The following MKI67 variants were observed in gnomAD, a reference collection of about 807,000 sequenced individuals.
MKI67 encodes marker of proliferation Ki-67.
MKI67 carries 152 observed loss-of-function variants against 233.5 expected under a neutral mutation model. The ratio of observed to expected loss-of-function variants is 0.65; its 90% CI spans 0.57 to 0.74. The LOEUF (loss-of-function observed/expected upper bound fraction) is 0.74. Ranked by LOEUF, MKI67 falls within the 30% of genes least tolerant of loss-of-function variation. The probability of loss-of-function intolerance (pLI) is 0.00; values close to 1 mark genes in which losing one functional copy is unlikely to be tolerated. For synonymous variants in MKI67, 1,465 were observed against 1,418.5 expected, an observed-to-expected ratio of 1.03 and a Z score of -0.74; for missense variants, 3,940 against 3,885.2, an observed-to-expected ratio of 1.01 and a Z score of -0.37.
In MKI67 at chr10:128,106,098, C is replaced by G; in HGVS notation, c.5742G>C (p.Glu1914Asp). The G allele has an allele frequency of 6.2e-7, 1 of 1,613,998 alleles. No individual in the cohort carries two copies. The highest frequency in any genetic ancestry group is 1.1e-5 in the South Asian group (1 of 91,072). Residue 1914 changes from glutamate to aspartate, a missense_variant, in exon 13 of 15, where the codon GAG becomes GAC. Physicochemically the swap from Glu to Asp is conservative, Grantham distance 45 (BLOSUM62 2). Transcript: ENST00000368654. ...TCCCCACAAATGTGTTGATGTCTTT[C>G]TCTTCACCTACTGCTGCTTTAGGCG... is the stretch of plus-strand genomic sequence containing the variant. ...MHTPKAAVGE[E>D]KDINTFVGTP...
At position 128,122,928 on chromosome 10, in the gene MKI67, T is replaced by C; in HGVS notation, c.240A>G (p.Val80=). The C allele has an allele frequency of 1.9e-6, 3 of 1,605,742 alleles. No individual in the cohort carries two copies. Among genetic ancestry groups the C allele is most frequent in the South Asian group, 1.1e-5 (1 of 90,416 alleles). The change falls in exon 4 of 15, where the codon GTA becomes GTG. Residue 80 remains valine, a synonymous_variant. Coordinates refer to ENST00000368654, the MANE Select transcript of MKI67 (RefSeq NM_002417.5). ...TTATTACATCTCCATGTTTTAGCCGTACAGGCTCATCAATAACAGACCCAT... is the reference window on the plus strand; with the variant it reads ...TTATTACATCTCCATGTTTTAGCCGCACAGGCTCATCAATAACAGACCCAT... ...QVNGSVIDEP[V]RLKHGDVITI...
rs1440441243 is a variant in MKI67, at chr10:128,115,462, T to C, written c.946A>G (p.Asn316Asp). 2 of 1,613,738 alleles carry C rather than the reference T, an allele frequency of 1.2e-6. No homozygotes were observed. Among genetic ancestry groups the C allele is most frequent in the Non-Finnish European group, 1.7e-6 (2 of 1,179,938 alleles). ...PASPEQELDQ[N>D]KGKGRDVESV... ...TCCACGTCTCTTCCCTTCCCCTTGT[T>C]CTGGTCAAGCTCTTGTTCAGGTGAA... The change falls in exon 7 of 15, where the codon AAC becomes GAC. Residue 316 changes from asparagine (N) to aspartate (D), a missense_variant. Transcript: ENST00000368654.
At chr10:128,119,223 A>G (rs765615855) in intron 5 of MKI67, 30 bp downstream of exon 5, 1 of 1,505,608 alleles carries the variant, frequency 6.6e-7, no homozygotes, top group Non-Finnish European at 9.2e-7. Context: ...ATCGAAACGA[A>G]TCAGCCCAAA....
rs2136128555 is a variant in MKI67 at position 128,104,108 on chromosome 10, T to C, written c.7732A>G (p.Ile2578Val). The C allele has an allele frequency of 6.2e-7, 1 of 1,614,024 alleles. No individual in the cohort carries two copies. Among genetic ancestry groups the C allele is most frequent in the Non-Finnish European group, 8.5e-7 (1 of 1,180,016 alleles). ...CAGGGAATTTTTGTGTTTTTGTCAA[T>C]AGTCATTGACTCTTCAGTGTGACCT... ...APGHTEESMT[I>V]DKNTKIPCKS... Residue 2578 changes from isoleucine to valine, a missense_variant, in exon 13 of 15, where the codon ATT (isoleucine) becomes GTT (valine). Ile to Val is a conservative substitution (Grantham distance 29). Transcript: ENST00000368654.
At chr10:128,110,606 G>A in intron 11 of MKI67, 73 bp from the exon 12 acceptor site, 1 of 1,212,826 alleles carries the variant, frequency 8.2e-7, no homozygotes, top group Non-Finnish European at 1.1e-6. Flanking sequence ...GCCCTCACAT[G>A]TAACGTGCAA....
At chr10:128,123,619 A>T (rs527942651) in intron 2 of MKI67, among the ~76,000 whole-genome samples, 1 of 152,230 alleles carries the variant, frequency 6.6e-6, no homozygotes, top group Non-Finnish European at 1.5e-5. Flanking sequence ...CTTCATATAC[A>T]ATAAAGAAAT....
Position 128,102,590 on chromosome 10 carries a change from G to A in MKI67, c.9250C>T (p.Pro3084Ser), listed in dbSNP as rs528824310. 47 of 1,613,058 alleles carry A rather than the reference G, an allele frequency of 2.9e-5. No individual in the cohort carries two copies. In the Middle Eastern group the frequency reaches 8.3e-4, roughly 28 times the overall value. Reference sequence around the variant, plus strand: ...ATACTTCCTCTCACCTTATTTTCAGGGACCGAGTCTTGTAATTTGTGTTCC... The same window carrying A: ...ATACTTCCTCTCACCTTATTTTCAGAGACCGAGTCTTGTAATTTGTGTTCC... Reference protein sequence around the residue: ...KEEHKLQDSVPENKGISLRSR... With the variant: ...KEEHKLQDSVSENKGISLRSR... The change falls in exon 13 of 15, where the codon CCT becomes TCT. Residue 3084 changes from proline (P) to serine (S), a missense_variant. Transcript: ENST00000368654.
intron 11 of MKI67, among the ~76,000 whole-genome samples, chr10:128,111,079 A>G (rs899375754): frequency 2.0e-5 from 3 of 152,238 alleles, no homozygotes; most frequent in East Asian, 1.9e-4. Context: ...CAGCCTCCCA[A>G]AGTGTTGGGA....
At position 128,103,178 on chromosome 10, in the gene MKI67, G is replaced by T; in HGVS notation, c.8662C>A (p.Pro2888Thr). ...EGKGTKAFKQ[P>T]AKRKLDAEDV... ...TCTGCGTCCAGCTTCCGCTTTGCAG[G>T]TTGCTTAAATGCTTTCGTGCCTTTG... Residue 2888 changes from proline (P) to threonine (T), a missense_variant, in exon 13 of 15, where the codon CCT (proline) becomes ACT (threonine). Pro to Thr is a conservative substitution (Grantham distance 38, BLOSUM62 -1). Coordinates refer to ENST00000368654, the MANE Select transcript of MKI67 (RefSeq NM_002417.5). 6.2e-7 allele frequency: 1 copy of T among 1,612,674 alleles called. No homozygotes were observed. The highest frequency in any genetic ancestry group is 1.7e-4 in the Middle Eastern group (1 of 6,038).
rs570836191 is a variant in MKI67, at chr10:128,124,075, T to C, written c.93-906A>G. Reference sequence around the variant, plus strand: ...CATGTGACCAAACACTTAGGAATTATTTCTAAATTATAAAATCTTGCATGA... The same window carrying C: ...CATGTGACCAAACACTTAGGAATTACTTCTAAATTATAAAATCTTGCATGA... On this transcript the variant is annotated intron_variant, in intron 2 of 14. Coordinates refer to ENST00000368654, the MANE Select transcript of MKI67 (RefSeq NM_002417.5). Among the ~76,000 whole-genome samples, 36 of 152,368 alleles carry C rather than the reference T, an allele frequency of 2.4e-4. No individual in the cohort carries two copies. In the South Asian group the frequency reaches 7.0e-3, roughly 30 times the overall value.
Position 128,105,897 on chromosome 10 carries a change from G to C in MKI67, c.5943C>G (p.Cys1981Trp). 1 of 1,613,804 alleles carries C rather than the reference G, an allele frequency of 6.2e-7. No individual in the cohort carries two copies. The highest frequency in any genetic ancestry group is 8.5e-7 in the Non-Finnish European group (1 of 1,179,952). The change falls in exon 13 of 15, where the codon TGC (cysteine) becomes TGG (tryptophan). Residue 1981 changes from cysteine to tryptophan, a missense_variant. Physicochemically the swap from Cys to Trp is radical, Grantham distance 215. Coordinates refer to ENST00000368654, the MANE Select transcript of MKI67 (RefSeq NM_002417.5). ...TGACTGGGTCTGGTTGTGGAGATTT[G>C]CAGGATACTTCTGTGATTTTGTCAT... Reference protein sequence around the residue: ...MTDDKITEVSCKSPQPDPVKT... With the variant: ...MTDDKITEVSWKSPQPDPVKT...
At position 128,107,185 on chromosome 10, in the gene MKI67, T is replaced by C. The variant is rs965392034; in HGVS notation, c.4655A>G (p.Tyr1552Cys). Residue 1552 changes from tyrosine to cysteine, a missense_variant, in exon 13 of 15, where the codon TAC becomes TGC. Coordinates refer to ENST00000368654, the MANE Select transcript of MKI67 (RefSeq NM_002417.5). ...CTGCACTGGAGTTCCCATAAATGCG[T>C]AGATGTTTTTCTCACCACTTACTGC... Reference protein sequence around the residue: ...KPAVSGEKNIYAFMGTPVQKL... With the variant: ...KPAVSGEKNICAFMGTPVQKL... The C allele has an allele frequency of 1.9e-6, 3 of 1,613,890 alleles. No individual in the cohort carries two copies. The African/African-American group carries it at 4.0e-5, about 22-fold the overall frequency.
chr10:128,105,646 G>A lies in MKI67; in HGVS notation c.6194C>T (p.Thr2065Ile). ...YGTGMERWPR[T>I]PKEEAQSLED... is the part of the protein sequence containing the mutation. Reference sequence around the variant, plus strand: ...TAGTGATTGGGCCTCTTCCTTAGGTGTTCTTGGCCACCTCTCCATCCCAGT... The same window carrying A: ...TAGTGATTGGGCCTCTTCCTTAGGTATTCTTGGCCACCTCTCCATCCCAGT... The change falls in exon 13 of 15, where the codon ACA becomes ATA. Residue 2065 changes from threonine to isoleucine, a missense_variant. Physicochemically the swap from Thr to Ile is moderately conservative, Grantham distance 89. Coordinates refer to ENST00000368654, the MANE Select transcript of MKI67 (RefSeq NM_002417.5). 6.2e-7 allele frequency: 1 copy of A among 1,613,806 alleles called. No individual in the cohort carries two copies. The highest frequency in any genetic ancestry group is 8.5e-7 in the Non-Finnish European group (1 of 1,179,982).
rs919569790 is a variant in MKI67 at position 128,102,473 on chromosome 10, G to A, written c.9261+106C>T. 5.8e-6 allele frequency: 8 copies of A among 1,384,126 alleles called. 1 individual carries two copies. The highest frequency in any genetic ancestry group is 4.6e-5 in the East Asian group (2 of 43,680). The allele number at this position is 1,384,126 out of a possible 1,614,324, so 85.7% of individuals were successfully genotyped here. On this transcript the variant is annotated intron_variant, in intron 13 of 14. Transcript: ENST00000368654. ...TATTCAGTGTTAAAGGAAACCCTCT[G>A]GGGAAAGGATAACCACTTATAACGT...
chr10:128,113,828 G>A (rs980646432), intron 7 of MKI67, among the ~76,000 whole-genome samples: 4 of 152,158 alleles, frequency 2.6e-5, no homozygotes, highest in Non-Finnish European at 5.9e-5. Context: ...ACAGTACAGA[G>A]GCTTTCTTTA....
chr10:128,101,639 G>T lies in MKI67; in HGVS notation c.9324C>A (p.Val3108=). 3 of 1,613,458 alleles carry T rather than the reference G, an allele frequency of 1.9e-6. No homozygotes were observed. The highest frequency in any genetic ancestry group is 2.5e-6 in the Non-Finnish European group (3 of 1,179,910). ...KTEAEQQITE[V]FVLAERIEIN... ...TTTCTATTCTTTCTGCTAATACAAA[G>T]ACCTCAGTTATTTGCTGTTCTGCCT... Residue 3108 remains valine (V), a synonymous_variant, in exon 14 of 15, where the codon GTC becomes GTA. Transcript: ENST00000368654.
intron 5 of MKI67, 63 bp downstream of exon 5, chr10:128,119,190 G>A: frequency 1.7e-6 from 2 of 1,155,268 alleles, no homozygotes; most frequent in South Asian, 1.3e-5. Flanking sequence ...AATCATTAAA[G>A]CATACATAAA....
chr10:128,112,298 C>T lies in MKI67; in HGVS notation c.1804G>A (p.Ala602Thr). Residue 602 changes from alanine (A) to threonine (T), a missense_variant, in exon 9 of 15, where the codon GCC becomes ACC. Physicochemically the swap from Ala to Thr is moderately conservative, Grantham distance 58. Transcript: ENST00000368654. ...TGAGATTTGCTGCTGGAAGCAGGGG[C>T]TGTTTTGCAGGACCTACGGCGTTGA... is the stretch of plus-strand genomic sequence containing the variant. ...SDQRRRSCKT[A>T]PASSSKSQTE... 1 of 1,614,208 alleles carries T rather than the reference C, an allele frequency of 6.2e-7. No individual in the cohort carries two copies. The highest frequency in any genetic ancestry group is 1.7e-5 in the Admixed American group (1 of 60,020).
At position 128,115,034 on chromosome 10, in the gene MKI67, C is replaced by A. The variant is rs1422156254; in HGVS notation, c.1374G>T (p.Lys458Asn). ...ATTTCTCAGGCTTGCTGAGGGAATC[C>A]TTTTGGATCTTCCTCTCAACTTGAG... ...WLTQVERKIQ[K>N]DSLSKPEKLG... Residue 458 changes from lysine to asparagine, a missense_variant, in exon 7 of 15, where the codon AAG (lysine) becomes AAT (asparagine). Transcript: ENST00000368654. The A allele has an allele frequency of 6.2e-7, 1 of 1,612,922 alleles. No individual in the cohort carries two copies. The highest frequency in any genetic ancestry group is 2.2e-5 in the East Asian group (1 of 44,858).
Sources: allele counts gnomAD v4.1 joint callset (sites outside exome capture counted in the v4.1 genomes callset), GRCh38; gene constraint gnomAD v4.1.1; transcripts MANE v1.5; gene names NCBI Gene and HGNC (gene_info 2026-07-23, HGNC 2026-07-21).